BEST3: variants seen among roughly 807,000 people sequenced by gnomAD.
BEST3 encodes bestrophin-3.
BEST3 carries 50 observed loss-of-function variants against 47.1 expected under a neutral mutation model. The ratio of observed to expected loss-of-function variants is 1.06; its 90% CI spans 0.85 to 1.34. The LOEUF (loss-of-function observed/expected upper bound fraction) is 1.34. Ranked by LOEUF, BEST3 falls within the 40% of genes most tolerant of loss-of-function variation. The pLI is 0.00. For synonymous variants in BEST3, 282 were observed against 298.8 expected (o/e 0.94, Z 0.58); for missense variants, 765 against 817.0 (o/e 0.94, Z 0.78).
At chr12:69,673,719 C>T (rs1315800394) in intron 7 of BEST3, among the ~76,000 whole-genome samples, 1 of 152,120 alleles carries the variant, frequency 6.6e-6, no homozygotes, top group East Asian at 1.9e-4. Context: ...GTTGGGATTA[C>T]AGGTGTGAGC....
At chr12:69,669,686 T>C (rs1263698413) in intron 9 of BEST3, 6 of 152,240 alleles carry the variant, frequency 3.9e-5, no homozygotes, top group Non-Finnish European at 7.3e-5. Flanking sequence ...ATGTTTACAA[T>C]CTCATCTAAT....
chr12:69,686,786 A>AAAAAAAAAAAAAAAAAAAAG (rs371159662), intron 4 of BEST3, among the ~76,000 whole-genome samples: 46 of 143,248 alleles, frequency 3.2e-4, no homozygotes, highest in Non-Finnish European at 5.2e-4. Flanking sequence ...AAACAAAAAA[A>AAAAAAAAAAAAAAAAAAAAG]AAAGAAAGAA....
chr12:69,659,029 A>T (rs1883699616), intron 9 of BEST3, among the ~76,000 whole-genome samples: 1 of 152,184 alleles, frequency 6.6e-6, no homozygotes, highest in Admixed American at 6.5e-5. Flanking sequence ...ACTGCTTTAG[A>T]TAAGAAACAT....
At chr12:69,656,945 A>G in intron 9 of BEST3, among the ~76,000 whole-genome samples, 1 of 152,038 alleles carries the variant, frequency 6.6e-6, no homozygotes, top group East Asian at 1.9e-4. Context: ...AGAAATTGGA[A>G]CCTTGTGGAA....
rs750804238 is a variant in BEST3 at position 69,655,786 on chromosome 12, C to A, written c.1128G>T (p.Glu376Asp). ...MGLSGSDFPD[E>D]EWLWDYEKHG... ...GCTTCTCATAATCCCACAGCCACTC[C>A]TCGTCAGGAAAGTCGGACCCAGACA... Residue 376 changes from glutamate to aspartate, a missense_variant, in exon 10 of 10, where the codon GAG becomes GAT. Glu to Asp is a conservative substitution (Grantham distance 45). Transcript: ENST00000330891. 2 of 1,610,600 alleles carry A rather than the reference C, an allele frequency of 1.2e-6. No individual in the cohort carries two copies. Among genetic ancestry groups the A allele is most frequent in the Non-Finnish European group, 1.7e-6 (2 of 1,177,460 alleles).
intron 5 of BEST3, 135 bp downstream of exon 5, chr12:69,678,604 A>G (rs1197171222): frequency 2.5e-6 from 2 of 795,032 alleles, no homozygotes; most frequent in Admixed American, 5.5e-5. Flanking sequence ...GAGAGGTCTG[A>G]CACTAGTCCA....
Position 69,672,433 on chromosome 12 carries a change from G to A in BEST3, c.948+452C>T, listed in dbSNP as rs137878087. On this transcript the variant is annotated intron_variant, in intron 8 of 9. Transcript: ENST00000330891. ...CATTTCATGCAGATTTGAGACACAA[G>A]CTGGCATGGCCCAGGCTCCCAGTGT... Among the ~76,000 whole-genome samples the A allele has an allele frequency of 1.2e-3, 178 of 152,332 alleles. 1 individual carries two copies. Among genetic ancestry groups the A allele is most frequent in the African/African-American group, 4.2e-3 (175 of 41,576 alleles).
chr12:69,674,210 G>A (rs1050077701), intron 7 of BEST3, among the ~76,000 whole-genome samples: 1 of 152,096 alleles, frequency 6.6e-6, no homozygotes, highest in Non-Finnish European at 1.5e-5. Flanking sequence ...TCTAGATTCT[G>A]AAACTATTCA....
intron 9 of BEST3, among the ~76,000 whole-genome samples, chr12:69,664,154 T>A (rs1725809841): frequency 6.6e-6 from 1 of 152,224 alleles, no homozygotes; most frequent in Non-Finnish European, 1.5e-5. Context: ...TGAAGCTGAT[T>A]TTTAACATGC....
In BEST3 at chr12:69,677,031, C is replaced by A; in HGVS notation, c.752G>T (p.Cys251Phe). Residue 251 changes from cysteine (C) to phenylalanine (F), a missense_variant, in exon 7 of 10, where the codon TGC becomes TTC. Cys to Phe is a radical substitution (Grantham distance 205, BLOSUM62 -2). Transcript: ENST00000330891. ...ATCCAAAAACTGGCGTCCAATCAGG[C>A]ACGCAAAGAAGAAGGTATAGACAGC... is the stretch of plus-strand genomic sequence containing the variant. Reference protein sequence around the residue: ...TLAVYTFFFACLIGRQFLDPT... With the variant: ...TLAVYTFFFAFLIGRQFLDPT... 2 of 1,614,162 alleles carry A rather than the reference C, an allele frequency of 1.2e-6. No homozygotes were observed. The highest frequency in any genetic ancestry group is 1.7e-6 in the Non-Finnish European group (2 of 1,180,030).
intron 9 of BEST3, among the ~76,000 whole-genome samples, chr12:69,665,790 T>C (rs959317795): frequency 6.6e-6 from 1 of 152,118 alleles, no homozygotes; most frequent in Non-Finnish European, 1.5e-5. Flanking sequence ...AAAAACATAG[T>C]CCATGGATAC....
chr12:69,671,286 T>A, intron 9 of BEST3, 142 bp downstream of exon 9: 1 of 820,802 alleles, frequency 1.2e-6, no homozygotes, highest in Non-Finnish European at 1.8e-6. Flanking sequence ...AACTGCAGCC[T>A]CCCCAAGTAG....
At position 69,670,928 on chromosome 12, in the gene BEST3, T is replaced by A. The variant is rs543079163; in HGVS notation, c.1100+500A>T. Among the ~76,000 whole-genome samples the A allele has an allele frequency of 3.3e-5, 5 of 152,310 alleles. No homozygotes were observed. In the South Asian group the frequency reaches 1.0e-3, roughly 32 times the overall value. ...ACACACTTCTCCAATATCAAATACA[T>A]GCTCAGACTTAATGAAATTATTATA... On this transcript the variant is annotated intron_variant, in intron 9 of 9. Coordinates refer to ENST00000330891, the MANE Select transcript of BEST3 (RefSeq NM_032735.3).
intron 4 of BEST3, among the ~76,000 whole-genome samples, chr12:69,679,366 C>T (rs763586378): frequency 2.2e-4 from 34 of 152,224 alleles, no homozygotes; most frequent in Non-Finnish European, 4.7e-4. Flanking sequence ...TTAATCATGT[C>T]CTCCTCTCTG....
rs769533196 is a variant in BEST3 at position 69,697,719 on chromosome 12, C to G, written c.80G>C (p.Ser27Thr). The change falls in exon 2 of 10, where the codon AGC becomes ACC. Residue 27 changes from serine to threonine, a missense_variant. By Grantham distance (58) the Ser-to-Thr change is moderately conservative. Transcript: ENST00000330891. ...TTCCCTGTACAGTAGTTTGTAGATGCTGCCTCTCCACTTGAGGAGTAACCT... is the reference window on the plus strand; with the variant it reads ...TTCCCTGTACAGTAGTTTGTAGATGGTGCCTCTCCACTTGAGGAGTAACCT... ...FHRLLLKWRG[S>T]IYKLLYREFI... 4 of 1,613,258 alleles carry G rather than the reference C, an allele frequency of 2.5e-6. No homozygotes were observed. In the South Asian group the frequency reaches 4.4e-5, roughly 18 times the overall value.
chr12:69,654,530 G>A lies in BEST3; in HGVS notation c.*377C>T, dbSNP rs186480879. ...AAAAAGAAGAGAAATAGAGAACCCT[G>A]CGTGTCTGGGCCTTTGGGTCTAGGG... is the stretch of plus-strand genomic sequence containing the variant. On this transcript the variant is annotated 3_prime_UTR_variant, in exon 10 of 10. Coordinates refer to ENST00000330891, the MANE Select transcript of BEST3 (RefSeq NM_032735.3). 4 of 998,660 alleles carry A rather than the reference G, an allele frequency of 4.0e-6. No homozygotes were observed. Among genetic ancestry groups the A allele is most frequent in the Non-Finnish European group, 4.8e-6 (4 of 838,970 alleles). The allele number at this position is 998,660 out of a possible 1,614,324, so 61.9% of individuals were successfully genotyped here.
At chr12:69,668,353 A>T (rs1593153742) in intron 9 of BEST3, among the ~76,000 whole-genome samples, 1 of 152,222 alleles carries the variant, frequency 6.6e-6, no homozygotes, top group African/African-American at 2.4e-5. Flanking sequence ...TTATATGGTC[A>T]CCAAGAGGCA....
chr12:69,694,228 C>A (rs987982147), intron 3 of BEST3, 142 bp downstream of exon 3: 5 of 619,652 alleles, frequency 8.1e-6, no homozygotes, highest in Non-Finnish European at 8.5e-6. Flanking sequence ...GAAGGCAAAC[C>A]TTATGGATGA....
rs556981273 is a variant in BEST3, at chr12:69,673,547, C to A, written c.868-582G>T. On this transcript the variant is annotated intron_variant, in intron 7 of 9. Coordinates refer to ENST00000330891, the MANE Select transcript of BEST3 (RefSeq NM_032735.3). ...CTGCCTCCCAGGTTCAAGCAATTCT[C>A]CTGCCTCAGTCTCCTGAGTAGCTGG... Among the ~76,000 whole-genome samples, 9 of 152,232 alleles carry A rather than the reference C, an allele frequency of 5.9e-5. No individual in the cohort carries two copies. The South Asian group carries it at 8.3e-4, about 14-fold the overall frequency.
Sources: gnomAD v4.1 joint callset for allele counts (sites outside exome capture counted in the v4.1 genomes callset) on GRCh38, gnomAD v4.1.1 for gene constraint, MANE v1.5 for transcripts, NCBI Gene and HGNC (gene_info 2026-07-23, HGNC 2026-07-21) for gene names.